The following RASA1 variants were observed in gnomAD, a reference collection of about 807,000 sequenced individuals.
The protein encoded by RASA1 is RAS p21 protein activator 1.
Under a neutral mutation model 132.2 loss-of-function variants are expected in RASA1, and 25 were observed. The ratio of observed to expected loss-of-function variants is 0.19; its 90% CI spans 0.14 to 0.26. The LOEUF (loss-of-function observed/expected upper bound fraction) is 0.26, where lower values mean the gene tolerates loss of function less well. Ranked by LOEUF, RASA1 falls within the 10% of genes least tolerant of loss-of-function variation. The pLI is 1.00. For missense variants in RASA1, 964 were observed against 1,299.2 expected (o/e 0.74, Z 3.97); for synonymous variants, 477 against 449.9 (o/e 1.06, Z -0.76).
At chr5:87,294,883 A>C (rs992623036) in intron 1 of RASA1, among the ~76,000 whole-genome samples, 2 of 152,244 alleles carry the variant, frequency 1.3e-5, no homozygotes, top group Non-Finnish European at 2.9e-5. Flanking sequence ...AGTGCTGCTG[A>C]GTTAAACTAT....
chr5:87,321,575 A>G (rs982676450), intron 1 of RASA1, among the ~76,000 whole-genome samples: 3 of 152,228 alleles, frequency 2.0e-5, no homozygotes, highest in African/African-American at 7.2e-5. Flanking sequence ...TTACTGGTTT[A>G]TTATGAAGGA....
intron 19 of RASA1, 28 bp downstream of exon 19, chr5:87,379,878 G>GA: frequency 6.2e-7 from 1 of 1,602,378 alleles, no homozygotes; most frequent in Non-Finnish European, 8.5e-7. Context: ...CATTTGACAA[G>GA]AAATTGTGTA....
intron 9 of RASA1, among the ~76,000 whole-genome samples, chr5:87,360,500 T>A (rs1580350686): frequency 6.6e-6 from 1 of 152,206 alleles, no homozygotes; most frequent in Non-Finnish European, 1.5e-5. Flanking sequence ...TATTTTTGTT[T>A]AGATTTTAAA....
chr5:87,343,753 A>C (rs966518691), intron 6 of RASA1, among the ~76,000 whole-genome samples: 1 of 152,202 alleles, frequency 6.6e-6, no homozygotes, highest in Non-Finnish European at 1.5e-5. Context: ...CAGTGTATCA[A>C]AGAGACAGCT....
At chr5:87,389,772 G>A (rs1183632018) in intron 24 of RASA1, among the ~76,000 whole-genome samples, 1 of 152,178 alleles carries the variant, frequency 6.6e-6, no homozygotes, top group African/African-American at 2.4e-5. Flanking sequence ...GGAAAACAGT[G>A]TAATAACACT....
At chr5:87,364,833 A>G (rs1341549644) in intron 11 of RASA1, among the ~76,000 whole-genome samples, 1 of 152,108 alleles carries the variant, frequency 6.6e-6, no homozygotes, top group Non-Finnish European at 1.5e-5. Flanking sequence ...CTCTCAACCA[A>G]TTTTTAGTTC....
intron 4 of RASA1, among the ~76,000 whole-genome samples, chr5:87,335,162 A>G (rs1197435287): frequency 6.6e-6 from 1 of 152,110 alleles, no homozygotes; most frequent in Non-Finnish European, 1.5e-5. Context: ...AATTATGGGC[A>G]TGAGCCACTG....
In RASA1 at chr5:87,369,848, G is replaced by A. The variant is rs1049500073; in HGVS notation, c.1646G>A (p.Ser549Asn). 5 of 1,612,246 alleles carry A rather than the reference G, an allele frequency of 3.1e-6. No individual in the cohort carries two copies. The Middle Eastern group carries it at 5.0e-4, about 160-fold the overall frequency. ...NCFQIVVQHF[S>N]EEHYIFYFAG... The stretch of plus-strand genomic sequence containing the variant: ...TTTCAGATAGTAGTTCAGCACTTTA[G>A]TGAAGAACATTACATCTTTTACTTT... Residue 549 changes from serine to asparagine, a missense_variant, in exon 12 of 25, where the codon AGT becomes AAT. Ser to Asn is a conservative substitution (Grantham distance 46). Coordinates refer to ENST00000274376, the MANE Select transcript of RASA1 (RefSeq NM_002890.3).
At chr5:87,338,536 A>ATATATATATTTT in intron 5 of RASA1, among the ~76,000 whole-genome samples, 20 of 85,218 alleles carry the variant, frequency 2.3e-4, no homozygotes, top group Non-Finnish European at 2.8e-4. Context: ...TATATATAAA[A>ATATATATATTTT]TTTTTTTTTT....
intron 1 of RASA1, among the ~76,000 whole-genome samples, chr5:87,321,419 C>T (rs1050366281): frequency 6.6e-6 from 1 of 152,180 alleles, no homozygotes; most frequent in Non-Finnish European, 1.5e-5. Flanking sequence ...AGGGCTCAGT[C>T]TTGGGGTCTG....
intron 1 of RASA1, among the ~76,000 whole-genome samples, chr5:87,308,518 AAAAC>A (rs1209022806): frequency 6.6e-6 from 1 of 152,146 alleles, no homozygotes; most frequent in African/African-American, 2.4e-5. Flanking sequence ...CTATTATTAA[AAAAC>A]AAAATAATGA....
chr5:87,352,023 A>G (rs1303731878), intron 8 of RASA1, among the ~76,000 whole-genome samples: 1 of 151,760 alleles, frequency 6.6e-6, no homozygotes, highest in East Asian at 1.9e-4. Flanking sequence ...ATCTTCAAAT[A>G]TATTTCCTGA....
intron 20 of RASA1, 111 bp from the exon 21 acceptor site, chr5:87,383,602 T>C (rs1761874366): frequency 5.1e-6 from 4 of 781,248 alleles, no homozygotes; most frequent in Non-Finnish European, 8.1e-6. Context: ...TTAGAGTGAA[T>C]TTTATGGGTT....
intron 1 of RASA1, among the ~76,000 whole-genome samples, chr5:87,291,706 C>T (rs1214274654): frequency 6.6e-6 from 1 of 152,164 alleles, no homozygotes; most frequent in African/African-American, 2.4e-5. Context: ...TTGCCCGCTA[C>T]TCACTCTTGC....
chr5:87,269,128 G>A lies in RASA1; in HGVS notation c.539+138G>A, dbSNP rs1445772062. The A allele has an allele frequency of 3.0e-5, 49 of 1,613,398 alleles. 2 individuals are homozygous for A. In the Admixed American group the frequency reaches 7.7e-4, roughly 25 times the overall value. On this transcript the variant is annotated intron_variant, in intron 1 of 24. Transcript: ENST00000274376. The stretch of plus-strand genomic sequence containing the variant: ...TTTGAAGTTTCAGGTTTCTTGGGTA[G>A]GAATTTAATCTGATCACTTATCTTC...
chr5:87,302,023 T>C (rs1014177243), intron 1 of RASA1, among the ~76,000 whole-genome samples: 3 of 152,182 alleles, frequency 2.0e-5, no homozygotes. Flanking sequence ...TAATGACTTT[T>C]AATGAACATG....
At chr5:87,290,641 G>C (rs187898964) in intron 1 of RASA1, among the ~76,000 whole-genome samples, 1 of 152,086 alleles carries the variant, frequency 6.6e-6, no homozygotes, top group African/African-American at 2.4e-5. Context: ...TATTTTGTCT[G>C]TTCATTCTTC....
At chr5:87,326,965 T>C (rs541521444) in intron 1 of RASA1, among the ~76,000 whole-genome samples, 10 of 152,330 alleles carry the variant, frequency 6.6e-5, no homozygotes, top group Admixed American at 2.0e-4. Flanking sequence ...GATTCACAGA[T>C]TGATCACCCA....
intron 1 of RASA1, among the ~76,000 whole-genome samples, chr5:87,304,723 C>CT (rs1186165363): frequency 6.6e-6 from 1 of 152,158 alleles, no homozygotes; most frequent in African/African-American, 2.4e-5. Context: ...CCGCATCTGC[C>CT]TCCCAAAGTG....
Sources: allele counts gnomAD v4.1 joint callset (sites outside exome capture counted in the v4.1 genomes callset), GRCh38; gene constraint gnomAD v4.1.1; transcripts MANE v1.5; gene names NCBI Gene and HGNC (gene_info 2026-07-23, HGNC 2026-07-21).